RASAL3: variants seen among roughly 807,000 people sequenced by gnomAD.
RASAL3 encodes the protein RAS protein activator like-3.
A neutral mutation model predicts 105.5 loss-of-function variants in RASAL3; 74 were observed. The ratio of observed to expected loss-of-function variants is 0.70; its 90% confidence interval spans 0.58 to 0.85. RASAL3 has a LOEUF of 0.85. Among genes scored for constraint, RASAL3 ranks in the 40% least tolerant of loss-of-function variants. The pLI is 0.00. For missense variants in RASAL3, 1,352 were observed against 1,392.0 expected, an observed-to-expected ratio of 0.97 and a Z score of 0.46; for synonymous variants, 579 against 591.6, an observed-to-expected ratio of 0.98 and a Z score of 0.31.
rs773223952 is a variant in RASAL3, at chr19:15,456,186, G to A, written c.1639C>T (p.Pro547Ser). ...EDCEVDPSKC[P>S]ASELPEHQAR... is the part of the protein sequence containing the mutation. Reference sequence around the variant, plus strand: ...TGGTGCTCTGGCAGCTCCGAGGCTGGACATTTGCTGGGGTCCACTTCACAG... The same window carrying A: ...TGGTGCTCTGGCAGCTCCGAGGCTGAACATTTGCTGGGGTCCACTTCACAG... The change falls in exon 11 of 18, where the codon CCA becomes TCA. Residue 547 changes from proline (P) to serine (S), a missense_variant. Around this residue, in one of 3 missense-constraint regions of RASAL3, gnomAD observed 920 missense variants for 919.6 expected, o/e 1.00. Coordinates refer to ENST00000343625, the MANE Select transcript of RASAL3 (RefSeq NM_022904.3). This position sits in a 1 kb window ranked among gnomAD's most constrained non-coding sequence, Gnocchi z 4.4. 1.2e-6 allele frequency: 2 copies of A among 1,613,822 alleles called. No homozygotes were observed. Among genetic ancestry groups the A allele is most frequent in the South Asian group, 1.1e-5 (1 of 91,078 alleles).
chr19:15,461,727 G>A lies in RASAL3; in HGVS notation c.329-120C>T, dbSNP rs370688246. 7.9e-5 allele frequency: 107 copies of A among 1,348,852 alleles called. 1 individual carries two copies. Among genetic ancestry groups the A allele is most frequent in the African/African-American group, 7.1e-4 (48 of 67,408 alleles). The allele number at this position is 1,348,852 out of a possible 1,614,324, so 83.6% of individuals were successfully genotyped here. A position where few individuals can be genotyped will look rare whatever the true frequency, so the allele number is the denominator to read the frequency against. The stretch of plus-strand genomic sequence containing the variant: ...CTAGGTGCCCCCCACCCCAGCAGCC[G>A]TATCAGACTGTATGACCTTGGGCAA... On this transcript the variant is annotated intron_variant, in intron 2 of 17. Coordinates refer to ENST00000343625, the MANE Select transcript of RASAL3 (RefSeq NM_022904.3).
Position 15,458,591 on chromosome 19 carries a change from C to G in RASAL3, c.727G>C (p.Glu243Gln). 3 of 1,613,478 alleles carry G rather than the reference C, an allele frequency of 1.9e-6. No homozygotes were observed. The highest frequency in any genetic ancestry group is 2.2e-5 in the South Asian group (2 of 90,970). The change falls in exon 7 of 18, where the codon GAG (glutamate) becomes CAG (glutamine). Residue 243 changes from glutamate (E) to glutamine (Q), a missense_variant. By Grantham distance (29) the Glu-to-Gln change is conservative (BLOSUM62 2). Around this residue, in one of 3 missense-constraint regions of RASAL3, gnomAD observed 344 missense variants for 339.6 expected, o/e 1.01. Transcript: ENST00000343625. ...ATLSELDLGA[E>Q]RDVRIWPLHP... ...AGTGGCCAGATCCGCACATCCCGCT[C>G]GGCACCCAGGTCCAGTTCAGAGAGT...
intron 16 of RASAL3, 147 bp downstream of exon 16, chr19:15,452,511 G>T: frequency 1.3e-6 from 1 of 744,394 alleles, no homozygotes; most frequent in Non-Finnish European, 2.1e-6. Flanking sequence ...TTGCCAAGAG[G>T]CAGGGCCTGG....
Position 15,457,630 on chromosome 19 carries a change from G to A in RASAL3, c.1093C>T (p.Arg365Cys). The change falls in exon 9 of 18, where the codon CGC (arginine) becomes TGC (cysteine). Residue 365 changes from arginine (R) to cysteine (C), a missense_variant. By Grantham distance (180) the Arg-to-Cys change is radical (BLOSUM62 -3). Around this residue, in one of 3 missense-constraint regions of RASAL3, gnomAD observed 920 missense variants for 919.6 expected, o/e 1.00. Transcript: ENST00000343625. This position sits in a 1 kb window ranked among gnomAD's most constrained non-coding sequence, Gnocchi z 8.6. The part of the protein sequence containing the change: ...FHFEALPPAR[R>C]LSLRLRGLGP... ...AAGCCGCGCAGCCGCAGCGACAGGC[G>A]ACGTGCCGGTGGCAGCGCCTCGAAG... 7.1e-7 allele frequency: 1 copy of A among 1,405,042 alleles called. No homozygotes were observed. The highest frequency in any genetic ancestry group is 9.3e-7 in the Non-Finnish European group (1 of 1,078,684). The allele number at this position is 1,405,042 out of a possible 1,614,324, so 87.0% of individuals were successfully genotyped here.
In RASAL3 at chr19:15,454,872, G is replaced by A. The variant is rs778557931; in HGVS notation, c.1743C>T (p.Gly581=). Residue 581 remains glycine (G), a synonymous_variant, in exon 12 of 18, where the codon GGC becomes GGT. Coordinates refer to ENST00000343625, the MANE Select transcript of RASAL3 (RefSeq NM_022904.3). ...CTTCTCGCCAGCTTGAGAACACGATGCCCAGCTCCGCAGGGAACCAGCTGG... is the reference window on the plus strand; with the variant it reads ...CTTCTCGCCAGCTTGAGAACACGATACCCAGCTCCGCAGGGAACCAGCTGG... ...HSYDWFPAEL[G]IVFSSWREAC... is the part of the protein sequence containing the mutation. 88 of 1,563,300 alleles carry A rather than the reference G, an allele frequency of 5.6e-5. No individual in the cohort carries two copies. The highest frequency in any genetic ancestry group is 5.0e-4 in the Middle Eastern group (3 of 5,998).
chr19:15,458,917 C>G (rs1271647239), intron 6 of RASAL3, among the ~76,000 whole-genome samples: 1 of 151,446 alleles, frequency 6.6e-6, no homozygotes, highest in Non-Finnish European at 1.5e-5. Flanking sequence ...TCCAGCCTCC[C>G]TGGCCTTGTT....
At position 15,454,409 on chromosome 19, in the gene RASAL3, T is replaced by C. The variant is rs1335587599; in HGVS notation, c.2112A>G (p.Leu704=). 1.9e-6 allele frequency: 3 copies of C among 1,613,874 alleles called. No individual in the cohort carries two copies. Among genetic ancestry groups the C allele is most frequent in the South Asian group, 2.2e-5 (2 of 91,074 alleles). The change falls in exon 13 of 18, where the codon TTA becomes TTG. Residue 704 remains leucine (L), a synonymous_variant. Coordinates refer to ENST00000343625, the MANE Select transcript of RASAL3 (RefSeq NM_022904.3). ...TACAGAGCTGGGCATGCAGGACAGC[T>C]AACTGGAGGGCCAGATCACCACTGC... is the stretch of plus-strand genomic sequence containing the variant. ...YQGSGDLALQ[L]AVLHAQLCTI... is the part of the protein sequence containing the mutation.
chr19:15,462,235 C>T (rs1440222431), intron 2 of RASAL3, among the ~76,000 whole-genome samples: 1 of 152,076 alleles, frequency 6.6e-6, no homozygotes, highest in East Asian at 1.9e-4. Flanking sequence ...ACCTGTAATC[C>T]TAGCACTTTG....
Position 15,456,204 on chromosome 19 carries a change from C to T in RASAL3, c.1621G>A (p.Val541Met). The change falls in exon 11 of 18, where the codon GTG becomes ATG. Residue 541 changes from valine to methionine, a missense_variant. Physicochemically the swap from Val to Met is conservative, Grantham distance 21. Transcript: ENST00000343625. The surrounding 1 kb of genome is among the most constrained non-coding windows in gnomAD (Gnocchi z 4.4). Reference sequence around the variant, plus strand: ...GAGGCTGGACATTTGCTGGGGTCCACTTCACAGTCCTCAGTAGAAGCACAG... The same window carrying T: ...GAGGCTGGACATTTGCTGGGGTCCATTTCACAGTCCTCAGTAGAAGCACAG... ...RLCASTEDCE[V>M]DPSKCPASEL... 1 of 1,613,864 alleles carries T rather than the reference C, an allele frequency of 6.2e-7. No individual in the cohort carries two copies. Among genetic ancestry groups the T allele is most frequent in the Non-Finnish European group, 8.5e-7 (1 of 1,179,826 alleles).
chr19:15,460,375 G>A (rs775277826), intron 5 of RASAL3, 117 bp from the exon 6 acceptor site: 2 of 871,868 alleles, frequency 2.3e-6, no homozygotes, highest in Non-Finnish European at 3.6e-6. Flanking sequence ...AGCTCAGGCT[G>A]TATTAGCAGG....
chr19:15,464,362 T>TG lies in RASAL3; in HGVS notation c.-5dup, dbSNP rs371577799. On this transcript the variant is annotated 5_prime_UTR_variant, in exon 2 of 18. Coordinates refer to ENST00000343625, the MANE Select transcript of RASAL3 (RefSeq NM_022904.3). ...GGCTTGGCGACGGTGGGTCCATGGT[T>TG]GGGGGGGGGGGTCTCCTGGGGGACG... 0.024 allele frequency: 23,855 copies of TG among 1,001,856 alleles called. 169 individuals are homozygous for TG. The highest frequency in any genetic ancestry group is 0.054 in the Middle Eastern group (173 of 3,192). 62.1% of individuals were successfully genotyped at this position (1,001,856 alleles called of 1,614,324 possible). A position where few individuals can be genotyped will look rare whatever the true frequency, so the allele number is the denominator to read the frequency against.
Position 15,454,280 on chromosome 19 carries a change from G to T in RASAL3, c.2161-13C>A. 2 of 1,564,210 alleles carry T rather than the reference G, an allele frequency of 1.3e-6. No individual in the cohort carries two copies. Among genetic ancestry groups the T allele is most frequent in the Non-Finnish European group, 1.7e-6 (2 of 1,153,868 alleles). On this transcript the variant is annotated splice_polypyrimidine_tract_variant and intron_variant, in intron 13 of 17. Coordinates refer to ENST00000343625, the MANE Select transcript of RASAL3 (RefSeq NM_022904.3). ...TGTCTCGGGTTGTCTGGTGAGGCAT[G>T]CAGGACAGAGACTGAGCAAAGTCTC... is the stretch of plus-strand genomic sequence containing the variant.
intron 17 of RASAL3, 48 bp from the exon 18 acceptor site, chr19:15,451,986 C>T: frequency 6.2e-7 from 1 of 1,613,598 alleles, no homozygotes. Flanking sequence ...GAGGGCTGCA[C>T]CGCAACCCTT....
Position 15,456,399 on chromosome 19 carries a change from A to G in RASAL3, c.1576+103T>C. ...CCCAGGATCCTAGCACCCCCAAAACACCACTCACTACCAGAATCCAGGTTG... is the reference window on the plus strand; with the variant it reads ...CCCAGGATCCTAGCACCCCCAAAACGCCACTCACTACCAGAATCCAGGTTG... On this transcript the variant is annotated intron_variant, in intron 10 of 17. Transcript: ENST00000343625. The surrounding 1 kb of genome is among the most constrained non-coding windows in gnomAD (Gnocchi z 4.4). 6.5e-7 allele frequency: 1 copy of G among 1,530,416 alleles called. No homozygotes were observed. The highest frequency in any genetic ancestry group is 8.9e-7 in the Non-Finnish European group (1 of 1,128,826). The allele number at this position is 1,530,416 out of a possible 1,614,324, so 94.8% of individuals were successfully genotyped here. A position where few individuals can be genotyped will look rare whatever the true frequency, so the allele number is the denominator to read the frequency against.
chr19:15,457,544 TG>T lies in RASAL3; in HGVS notation c.1178del (p.Pro393HisfsTer88). 2 of 1,144,090 alleles carry T rather than the reference TG, an allele frequency of 1.7e-6. No homozygotes were observed. The highest frequency in any genetic ancestry group is 2.2e-6 in the Non-Finnish European group (2 of 928,678). The allele number at this position is 1,144,090 out of a possible 1,614,324, so 70.9% of individuals were successfully genotyped here. A position where few individuals can be genotyped will look rare whatever the true frequency, so the allele number is the denominator to read the frequency against. On this transcript the variant is annotated frameshift_variant, in exon 9 of 18. Coordinates refer to ENST00000343625, the MANE Select transcript of RASAL3 (RefSeq NM_022904.3). LOFTEE classifies it high-confidence loss of function. The surrounding 1 kb of genome is among the most constrained non-coding windows in gnomAD (Gnocchi z 8.6). ...VALALEELDA[P>X]RAPAAGLERW... ...GCTCCAGACCGGCGGCAGGCGCGCG[TG>T]GGGCGTCCAGCTCCTCCAGCGCCAG... is the stretch of plus-strand genomic sequence containing the variant.
At position 15,457,400 on chromosome 19, in the gene RASAL3, G is replaced by A. The variant is rs1970357584; in HGVS notation, c.1323C>T (p.Phe441=). 3 of 1,450,160 alleles carry A rather than the reference G, an allele frequency of 2.1e-6. No individual in the cohort carries two copies. The highest frequency in any genetic ancestry group is 2.7e-6 in the Non-Finnish European group (3 of 1,106,014). The allele number at this position is 1,450,160 out of a possible 1,614,324, so 89.8% of individuals were successfully genotyped here. A position where few individuals can be genotyped will look rare whatever the true frequency, so the allele number is the denominator to read the frequency against. ...GGGCCCCGCAGAGGCGCGCATAGTGGAAGGTGAGGAACTCCGCCAGCTCCT... is the reference window on the plus strand; with the variant it reads ...GGGCCCCGCAGAGGCGCGCATAGTGAAAGGTGAGGAACTCCGCCAGCTCCT... The part of the protein sequence containing the change: ...RYKELAEFLT[F]HYARLCGALE... Residue 441 remains phenylalanine (F), a synonymous_variant, in exon 9 of 18, where the codon TTC becomes TTT. Transcript: ENST00000343625. The surrounding 1 kb of genome is among the most constrained non-coding windows in gnomAD (Gnocchi z 8.6).
chr19:15,454,686 C>A lies in RASAL3; in HGVS notation c.1929G>T (p.Lys643Asn). The A allele has an allele frequency of 6.2e-7, 1 of 1,609,848 alleles. No individual in the cohort carries two copies. The highest frequency in any genetic ancestry group is 8.5e-7 in the Non-Finnish European group (1 of 1,177,254). Residue 643 changes from lysine to asparagine, a missense_variant, in exon 12 of 18, where the codon AAG becomes AAT. This residue lies in a region of RASAL3 where 920 missense variants were observed against 919.6 expected (regional missense o/e 1.00). Transcript: ENST00000343625. The stretch of plus-strand genomic sequence containing the variant: ...CACGGTTGGCGAGGTTCTGGATGAC[C>A]TTGGCAATCAGTGTGAGGGTGCGGG... ...GPARTLTLIA[K>N]VIQNLANRAP... is the part of the protein sequence containing the mutation.
chr19:15,458,785 A>ACCCCCCCCCCCC (rs531818545), intron 6 of RASAL3, 130 bp from the exon 7 acceptor site: 1 of 1,090,674 alleles, frequency 9.2e-7, no homozygotes, highest in Non-Finnish European at 1.2e-6. Context: ...TGCCCCCCCC[A>ACCCCCCCCCCCC]CCCCCCGCCA....
intron 6 of RASAL3, 127 bp from the exon 7 acceptor site, chr19:15,458,782 C>G: frequency 8.3e-7 from 1 of 1,199,524 alleles, no homozygotes; most frequent in Non-Finnish European, 1.1e-6. Context: ...CCGTGCCCCC[C>G]CCACCCCCCG....
Sources: gnomAD v4.1 joint callset for allele counts (sites outside exome capture counted in the v4.1 genomes callset) on GRCh38, gnomAD v4.1.1 for gene constraint, gnomAD v4.1.1 regional missense constraint, Gnocchi (gnomAD v3.1) non-coding constraint, MANE v1.5 for transcripts, NCBI Gene and HGNC (gene_info 2026-07-23, HGNC 2026-07-21) for gene names.